GPC6: variants seen among roughly 807,000 people sequenced by gnomAD.
The protein encoded by GPC6 is glypican-6.
A neutral mutation model predicts 55.2 loss-of-function variants in GPC6; 14 were observed. The observed-to-expected ratio is 0.25, with a 90% CI of 0.17 to 0.40. The LOEUF is 0.40. Among genes scored for constraint, GPC6 ranks in the 10% least tolerant of loss-of-function variants. The pLI is 1.00. For synonymous variants in GPC6, 278 were observed against 259.6 expected (o/e 1.07, Z -0.68); for missense variants, 641 against 708.5 (o/e 0.90, Z 1.08).
chr13:94,179,444 T>G (rs1888907551), intron 4 of GPC6, among the ~76,000 whole-genome samples: 1 of 152,172 alleles, frequency 6.6e-6, no homozygotes, highest in African/African-American at 2.4e-5. Flanking sequence ...ACTCAGGGGT[T>G]CCTGATTGCC....
At chr13:94,138,146 C>T (rs532231031) in intron 4 of GPC6, among the ~76,000 whole-genome samples, 2 of 152,212 alleles carry the variant, frequency 1.3e-5, no homozygotes, top group East Asian at 1.9e-4. Flanking sequence ...ACCAACATAA[C>T]ATTCAAAGGA....
intron 2 of GPC6, among the ~76,000 whole-genome samples, chr13:93,598,726 CTA>C (rs1877878597): frequency 6.6e-6 from 1 of 152,180 alleles, no homozygotes; most frequent in Non-Finnish European, 1.5e-5. Context: ...CTGCAAAATT[CTA>C]TGATTTTCCC....
chr13:93,542,752 T>G (rs1882370938), intron 1 of GPC6, among the ~76,000 whole-genome samples: 1 of 152,160 alleles, frequency 6.6e-6, no homozygotes, highest in South Asian at 2.1e-4. Context: ...CCCTTGTAAG[T>G]TGGATTCCTA....
At chr13:94,370,340 T>C (rs1334001999) in intron 6 of GPC6, among the ~76,000 whole-genome samples, 1 of 152,168 alleles carries the variant, frequency 6.6e-6, no homozygotes, top group African/African-American at 2.4e-5. Context: ...CCAGACAAAT[T>C]AATATGTGCT....
rs551033977 is a variant in GPC6, at chr13:93,717,977, A to G, written c.320-112177A>G. Reference sequence around the variant, plus strand: ...ATGGCTGCATAGTATTCCATGGTATATATGTGCCACATTTTCTTTATCCAG... The same window carrying G: ...ATGGCTGCATAGTATTCCATGGTATGTATGTGCCACATTTTCTTTATCCAG... On this transcript the variant is annotated intron_variant, in intron 2 of 8. Transcript: ENST00000377047. 2.0e-5 allele frequency among the ~76,000 whole-genome samples: 3 copies of G among 152,030 alleles called. No homozygotes were observed. In the East Asian group the frequency reaches 5.8e-4, roughly 29 times the overall value.
At chr13:93,668,062 T>A (rs901652676) in intron 2 of GPC6, among the ~76,000 whole-genome samples, 1 of 152,216 alleles carries the variant, frequency 6.6e-6, no homozygotes, top group South Asian at 2.1e-4. Flanking sequence ...TTTGTTCTTA[T>A]GATTTTGCCA....
At chr13:93,983,602 G>A (rs1880899592) in intron 3 of GPC6, among the ~76,000 whole-genome samples, 1 of 151,890 alleles carries the variant, frequency 6.6e-6, no homozygotes, top group Non-Finnish European at 1.5e-5. Flanking sequence ...CCTACTTTAA[G>A]TTTGCAGTTT....
chr13:93,636,498 G>T (rs1374868463), intron 2 of GPC6, among the ~76,000 whole-genome samples: 1 of 152,096 alleles, frequency 6.6e-6, no homozygotes, highest in African/African-American at 2.4e-5. Context: ...CTGTTTCTCT[G>T]GGAGCAATGT....
rs547163044 is a variant in GPC6, at chr13:93,567,809, T to C, written c.319+22388T>C. Among the ~76,000 whole-genome samples, 254 of 152,318 alleles carry C rather than the reference T, an allele frequency of 1.7e-3. 5 individuals are homozygous for C. Among genetic ancestry groups the C allele is most frequent in the Non-Finnish European group, 2.5e-4 (17 of 68,038 alleles). ...TAGATTGGTCAACAGATATTTGCTT[T>C]ATAAGCACAGAAATTAGGCTTTTTA... On this transcript the variant is annotated intron_variant, in intron 2 of 8. Transcript: ENST00000377047.
At chr13:93,811,220 GAA>G (rs1365556123) in intron 2 of GPC6, among the ~76,000 whole-genome samples, 6 of 152,246 alleles carry the variant, frequency 3.9e-5, no homozygotes, top group African/African-American at 1.4e-4. Flanking sequence ...GCCTGTTCTT[GAA>G]AAGAGTCAGG....
At chr13:94,155,833 A>G (rs1887913936) in intron 4 of GPC6, among the ~76,000 whole-genome samples, 1 of 151,934 alleles carries the variant, frequency 6.6e-6, no homozygotes, top group Admixed American at 6.6e-5. Context: ...CCACACCCCC[A>G]CCCATACATG....
At chr13:93,834,612 A>G (rs937223917) in intron 3 of GPC6, among the ~76,000 whole-genome samples, 2 of 152,160 alleles carry the variant, frequency 1.3e-5, no homozygotes, top group Non-Finnish European at 2.9e-5. Context: ...ATGTGCAAGC[A>G]TGTATACATG....
At chr13:94,118,715 T>C (rs1272953696) in intron 4 of GPC6, among the ~76,000 whole-genome samples, 1 of 152,162 alleles carries the variant, frequency 6.6e-6, no homozygotes, top group Non-Finnish European at 1.5e-5. Context: ...GCCACCTTTC[T>C]TGAACTAGTT....
At chr13:93,608,759 G>A (rs1878346833) in intron 2 of GPC6, among the ~76,000 whole-genome samples, 1 of 152,224 alleles carries the variant, frequency 6.6e-6, no homozygotes, top group African/African-American at 2.4e-5. Flanking sequence ...GAGGTGGTGT[G>A]TGAGAGGATT....
Position 94,406,302 on chromosome 13 carries a change from T to C in GPC6, c.*3085T>C, listed in dbSNP as rs867585477. On this transcript the variant is annotated 3_prime_UTR_variant, in exon 9 of 9. Transcript: ENST00000377047. Reference sequence around the variant, plus strand: ...CAAAAGCTAAACAGAGGCTAAAGTCTTTAGCAGAGAAGAATGAATTACAAA... The same window carrying C: ...CAAAAGCTAAACAGAGGCTAAAGTCCTTAGCAGAGAAGAATGAATTACAAA... 6.6e-6 allele frequency: 1 copy of C among 152,286 alleles called. No homozygotes were observed. The highest frequency in any genetic ancestry group is 2.4e-5 in the African/African-American group (1 of 41,578). 9.4% of individuals were successfully genotyped at this position (152,286 alleles called of 1,614,324 possible).
chr13:93,693,767 G>A (rs956713193), intron 2 of GPC6, among the ~76,000 whole-genome samples: 2 of 152,164 alleles, frequency 1.3e-5, no homozygotes, highest in African/African-American at 4.8e-5. Context: ...GATTACAGGA[G>A]TGAACCACTG....
chr13:93,733,503 C>G (rs941403465), intron 2 of GPC6, among the ~76,000 whole-genome samples: 4 of 150,586 alleles, frequency 2.7e-5, no homozygotes, highest in African/African-American at 9.7e-5. Flanking sequence ...ATAATGTGAT[C>G]AGGCATAAAA....
intron 1 of GPC6, among the ~76,000 whole-genome samples, chr13:93,443,505 G>A (rs939149278): frequency 6.6e-6 from 1 of 152,176 alleles, no homozygotes; most frequent in Non-Finnish European, 1.5e-5. Flanking sequence ...GTAGCAAGAA[G>A]TGTGTAATTT....
At chr13:93,650,402 A>G (rs1880357300) in intron 2 of GPC6, among the ~76,000 whole-genome samples, 1 of 152,030 alleles carries the variant, frequency 6.6e-6, no homozygotes, top group Non-Finnish European at 1.5e-5. Flanking sequence ...CAAGTGCCAA[A>G]AGGATCTCAT....
Sources: gnomAD v4.1 joint callset for allele counts (sites outside exome capture counted in the v4.1 genomes callset) on GRCh38, gnomAD v4.1.1 for gene constraint, MANE v1.5 for transcripts, NCBI Gene and HGNC (gene_info 2026-07-23, HGNC 2026-07-21) for gene names.